SLCO1C1: variants seen among roughly 807,000 people sequenced by gnomAD.
The protein encoded by SLCO1C1 is OAT-RP-5.
Under a neutral mutation model 76.4 loss-of-function variants are expected in SLCO1C1, and 70 were observed. That is an observed-to-expected ratio of 0.92 (90% confidence interval 0.76 to 1.12). The LOEUF (loss-of-function observed/expected upper bound fraction) is 1.12. Ranked by LOEUF, SLCO1C1 falls within the 50% of genes most tolerant of loss-of-function variation. The probability of loss-of-function intolerance (pLI) is 0.00; values close to 1 mark genes in which losing one functional copy is unlikely to be tolerated. For synonymous variants in SLCO1C1, 306 were observed against 286.1 expected, an observed-to-expected ratio of 1.07 and a Z score of -0.70; for missense variants, 912 against 823.8, an observed-to-expected ratio of 1.11 and a Z score of -1.31.
At chr12:20,696,642 G>C (rs534883018) in intron 1 of SLCO1C1, 2 of 152,120 alleles carry the variant, frequency 1.3e-5, no homozygotes, top group African/African-American at 4.8e-5. Flanking sequence ...GAAAACTGTC[G>C]TATGTCTTTT....
chr12:20,724,405 GTGTGTGTATATA>G (rs1457231389), intron 9 of SLCO1C1, among the ~76,000 whole-genome samples: 673 of 29,386 alleles, frequency 0.023, 11 homozygotes, highest in African/African-American at 0.049. Context: ...GTGTGTGTGT[GTGTGTGTATATA>G]TATATATATA....
intron 11 of SLCO1C1, among the ~76,000 whole-genome samples, chr12:20,738,197 T>G (rs1343627998): frequency 3.5e-4 from 53 of 152,104 alleles, no homozygotes; most frequent in Non-Finnish European, 1.5e-5. Context: ...AACATATGAA[T>G]TTTGGGAAAA....
At chr12:20,740,071 A>T (rs1190616084) in intron 11 of SLCO1C1, 113 bp from the exon 12 acceptor site, 1 of 1,042,452 alleles carries the variant, frequency 9.6e-7, no homozygotes, top group East Asian at 2.6e-5. Flanking sequence ...ATAAAAGAAT[A>T]TTTCCTCATT....
At chr12:20,728,793 T>C (rs961092867) in intron 9 of SLCO1C1, among the ~76,000 whole-genome samples, 1 of 152,008 alleles carries the variant, frequency 6.6e-6, no homozygotes, top group Non-Finnish European at 1.5e-5. Context: ...TACACATCCT[T>C]CATAACTCCT....
Position 20,701,461 on chromosome 12 carries a change from T to A in SLCO1C1, c.271+2T>A. ...TTATTGATGGTAGTTTTGAAATTGG[T>A]AGGTATTACAGATGCCTGACTTTAA... On this transcript the variant is annotated splice_donor_variant, in intron 3 of 14. Transcript: ENST00000266509. LOFTEE classifies it high-confidence loss of function. The A allele has an allele frequency of 1.3e-6, 2 of 1,499,324 alleles. No homozygotes were observed. Among genetic ancestry groups the A allele is most frequent in the Middle Eastern group, 1.8e-4 (1 of 5,548 alleles). 92.9% of individuals were successfully genotyped at this position (1,499,324 alleles called of 1,614,324 possible).
intron 4 of SLCO1C1, among the ~76,000 whole-genome samples, chr12:20,710,496 C>T (rs1032785851): frequency 2.0e-5 from 3 of 151,898 alleles, no homozygotes; most frequent in Non-Finnish European, 4.4e-5. Flanking sequence ...GTGTGGAGAA[C>T]GTGGCATATG....
chr12:20,732,632 A>G (rs1948340218), intron 9 of SLCO1C1, among the ~76,000 whole-genome samples: 2 of 152,212 alleles, frequency 1.3e-5, no homozygotes, highest in Non-Finnish European at 2.9e-5. Context: ...TGTACTTGTT[A>G]ATGCTGGAAT....
chr12:20,698,093 A>G (rs1212836375), intron 1 of SLCO1C1, among the ~76,000 whole-genome samples: 2 of 152,020 alleles, frequency 1.3e-5, no homozygotes, highest in Non-Finnish European at 2.9e-5. Flanking sequence ...AAACTTATCC[A>G]TTAAGTCAAG....
intron 12 of SLCO1C1, among the ~76,000 whole-genome samples, chr12:20,742,361 A>G (rs1281507223): frequency 1.3e-5 from 2 of 151,262 alleles, no homozygotes; most frequent in African/African-American, 4.9e-5. Flanking sequence ...CTTTTAAAGC[A>G]GAGACTAAAT....
chr12:20,743,450 G>T lies in SLCO1C1; in HGVS notation c.1798+81G>T, dbSNP rs2120900002. 3.5e-6 allele frequency: 4 copies of T among 1,144,812 alleles called. No homozygotes were observed. In the East Asian group the frequency reaches 7.1e-5, roughly 20 times the overall value. 70.9% of individuals were successfully genotyped at this position (1,144,812 alleles called of 1,614,324 possible). On this transcript the variant is annotated intron_variant, in intron 13 of 14. Coordinates refer to ENST00000266509, the MANE Select transcript of SLCO1C1 (RefSeq NM_017435.5). ...CTTTTCTAAATATTTTTACAGAATTGCCATGCATAAATATATGTTGTAGGT... is the reference window on the plus strand; with the variant it reads ...CTTTTCTAAATATTTTTACAGAATTTCCATGCATAAATATATGTTGTAGGT...
chr12:20,699,629 A>G lies in SLCO1C1; in HGVS notation c.53A>G (p.Gln18Arg). The change falls in exon 2 of 15, where the codon CAA becomes CGA. Residue 18 changes from glutamine (Q) to arginine (R), a missense_variant. Physicochemically the swap from Gln to Arg is conservative, Grantham distance 43. Coordinates refer to ENST00000266509, the MANE Select transcript of SLCO1C1 (RefSeq NM_017435.5). ...NIQLFCKTSV[Q>R]PVGRPSFKTE... ...CAGTTGTTCTGCAAAACTTCAGTGC[A>G]ACCTGTTGGAAGGCCTTCTTTTAAA... 1 of 1,612,572 alleles carries G rather than the reference A, an allele frequency of 6.2e-7. No individual in the cohort carries two copies. The highest frequency in any genetic ancestry group is 8.5e-7 in the Non-Finnish European group (1 of 1,179,154).
intron 11 of SLCO1C1, 137 bp from the exon 12 acceptor site, chr12:20,740,047 T>C (rs1288892268): frequency 2.3e-6 from 2 of 863,852 alleles, no homozygotes; most frequent in African/African-American, 3.4e-5. Context: ...CTCAATATAC[T>C]GTAATACAAA....
chr12:20,700,629 T>C (rs1368745882), intron 2 of SLCO1C1, among the ~76,000 whole-genome samples: 45 of 151,904 alleles, frequency 3.0e-4, no homozygotes, highest in Non-Finnish European at 5.9e-5. Flanking sequence ...AGTTGTTTCT[T>C]AAGGGATGCT....
At chr12:20,751,573 C>G (rs974039) in intron 14 of SLCO1C1, among the ~76,000 whole-genome samples, 68,789 of 151,850 alleles carry the variant, frequency 0.45, 17,066 homozygotes, top group East Asian at 0.6. Flanking sequence ...TGATGCTATG[C>G]GTGAAATTTA....
intron 12 of SLCO1C1, among the ~76,000 whole-genome samples, chr12:20,741,768 T>C (rs1948827521): frequency 6.6e-6 from 1 of 152,160 alleles, no homozygotes; most frequent in African/African-American, 2.4e-5. Flanking sequence ...GAGTTAGCTT[T>C]AGCTTTGCAA....
chr12:20,721,397 T>C (rs1405427382), intron 7 of SLCO1C1, among the ~76,000 whole-genome samples: 1 of 152,216 alleles, frequency 6.6e-6, no homozygotes, highest in Non-Finnish European at 1.5e-5. Flanking sequence ...TGGGATCCTG[T>C]ACCAGCAAAA....
chr12:20,730,815 C>G (rs946996805), intron 9 of SLCO1C1, among the ~76,000 whole-genome samples: 4 of 152,094 alleles, frequency 2.6e-5, no homozygotes, highest in Non-Finnish European at 5.9e-5. Flanking sequence ...AAATATTTTG[C>G]GGGGGTCTGT....
At chr12:20,747,645 T>A (rs1949110041) in intron 13 of SLCO1C1, among the ~76,000 whole-genome samples, 1 of 152,168 alleles carries the variant, frequency 6.6e-6, no homozygotes, top group South Asian at 2.1e-4. Context: ...TTAAAGGTAA[T>A]GTAAAATTGG....
At position 20,731,453 on chromosome 12, in the gene SLCO1C1, T is replaced by C. The variant is rs143966120; in HGVS notation, c.1187-1456T>C. 2.9e-4 allele frequency among the ~76,000 whole-genome samples: 44 copies of C among 152,386 alleles called. 1 individual carries two copies. The East Asian group carries it at 6.2e-3, about 21-fold the overall frequency. ...TCATTATCACTAGATGTCAGTGTTTTCATTTTTATTTTACAATTTCACATG... is the reference window on the plus strand; with the variant it reads ...TCATTATCACTAGATGTCAGTGTTTCCATTTTTATTTTACAATTTCACATG... On this transcript the variant is annotated intron_variant, in intron 9 of 14. Coordinates refer to ENST00000266509, the MANE Select transcript of SLCO1C1 (RefSeq NM_017435.5).
Sources: allele counts gnomAD v4.1 joint callset (sites outside exome capture counted in the v4.1 genomes callset), GRCh38; gene constraint gnomAD v4.1.1; transcripts MANE v1.5; gene names NCBI Gene and HGNC (gene_info 2026-07-23, HGNC 2026-07-21).